ABCA13: variants seen among roughly 807,000 people sequenced by gnomAD.
ABCA13 encodes the protein ATP binding cassette subfamily A member 13.
ABCA13 carries 476 observed loss-of-function variants against 478.7 expected under a neutral mutation model. That is an observed-to-expected ratio of 0.99 (90% CI 0.92 to 1.07). The LOEUF is 1.07. ABCA13 is among the 50% of genes least tolerant of loss of function. The pLI is 0.00. For synonymous variants in ABCA13, 2,252 were observed against 2,158.9 expected (o/e 1.04, Z -1.20); for missense variants, 6,060 against 5,910.6 (o/e 1.03, Z -0.83).
At chr7:48,638,012 G>A (rs562671733) in intron 59 of ABCA13, among the ~76,000 whole-genome samples, 3 of 152,246 alleles carry the variant, frequency 2.0e-5, no homozygotes, top group East Asian at 1.9e-4. Context: ...CATGTACACA[G>A]GAAGGGCTTT....
At chr7:48,223,041 G>A (rs1214210688) in intron 5 of ABCA13, among the ~76,000 whole-genome samples, 2 of 152,142 alleles carry the variant, frequency 1.3e-5, no homozygotes, top group Non-Finnish European at 2.9e-5. Context: ...GGTAAAATCA[G>A]TAGGCTCTGT....
intron 20 of ABCA13, among the ~76,000 whole-genome samples, chr7:48,290,791 G>A (rs993916795): frequency 6.6e-6 from 1 of 151,830 alleles, no homozygotes; most frequent in Non-Finnish European, 1.5e-5. Context: ...GCCCCTAAGG[G>A]GATACTCACC....
intron 8 of ABCA13, among the ~76,000 whole-genome samples, chr7:48,238,495 G>C (rs905703155): frequency 6.7e-6 from 1 of 149,460 alleles, no homozygotes; most frequent in Non-Finnish European, 1.5e-5. Context: ...TTAAGACAGA[G>C]TCTCACTCTG....
chr7:48,219,226 G>A, intron 3 of ABCA13, 128 bp from the exon 4 acceptor site: 1 of 880,128 alleles, frequency 1.1e-6, no homozygotes, highest in Non-Finnish European at 1.7e-6. Flanking sequence ...GGCTCTCAGG[G>A]TAGATGATGA....
intron 55 of ABCA13, among the ~76,000 whole-genome samples, chr7:48,554,604 T>C (rs934504027): frequency 2.6e-5 from 4 of 151,778 alleles, no homozygotes; most frequent in African/African-American, 9.7e-5. Context: ...TGGGATTACT[T>C]TCTTGATTTC....
chr7:48,480,641 C>T (rs748297815), intron 45 of ABCA13, among the ~76,000 whole-genome samples: 5 of 152,142 alleles, frequency 3.3e-5, no homozygotes, highest in Non-Finnish European at 7.4e-5. Flanking sequence ...TACTTTAGAC[C>T]CTTATGAAAG....
At chr7:48,497,563 T>G (rs1830383034) in intron 48 of ABCA13, among the ~76,000 whole-genome samples, 1 of 152,208 alleles carries the variant, frequency 6.6e-6, no homozygotes, top group South Asian at 2.1e-4. Flanking sequence ...TGTTGAGGAA[T>G]CATATGAGAG....
intron 42 of ABCA13, among the ~76,000 whole-genome samples, chr7:48,428,386 T>A (rs1320251805): frequency 6.6e-6 from 1 of 152,102 alleles, no homozygotes; most frequent in Non-Finnish European, 1.5e-5. Context: ...GAATCCAGAT[T>A]TGGTATCTAG....
chr7:48,240,950 G>A lies in ABCA13; in HGVS notation c.1146G>A (p.Gln382=). 6.2e-7 allele frequency: 1 copy of A among 1,613,696 alleles called. No individual in the cohort carries two copies. The highest frequency in any genetic ancestry group is 8.5e-7 in the Non-Finnish European group (1 of 1,179,660). ...ATAGTCTGGAGGCTCTCAGGAATCA[G>A]TTTGAAGAAGAGAGCAAGCCCTGGA... ...MGHSLEALRN[Q]FEEESKPWKV... The change falls in exon 10 of 62, where the codon CAG becomes CAA. Residue 382 remains glutamine, a synonymous_variant. Coordinates refer to ENST00000435803, the MANE Select transcript of ABCA13 (RefSeq NM_152701.5).
chr7:48,247,083 C>T (rs1401672131), intron 13 of ABCA13, among the ~76,000 whole-genome samples: 2 of 151,786 alleles, frequency 1.3e-5, no homozygotes, highest in Non-Finnish European at 2.9e-5. Flanking sequence ...AAAATGAAAA[C>T]AAAAATTAGC....
intron 55 of ABCA13, among the ~76,000 whole-genome samples, chr7:48,546,964 A>G (rs1784872028): frequency 6.6e-6 from 1 of 151,802 alleles, no homozygotes; most frequent in African/African-American, 2.4e-5. Context: ...TTTAAAATTA[A>G]ATGACAATTT....
At chr7:48,478,884 T>G (rs1161428721) in intron 45 of ABCA13, among the ~76,000 whole-genome samples, 1 of 152,026 alleles carries the variant, frequency 6.6e-6, no homozygotes, top group Non-Finnish European at 1.5e-5. Flanking sequence ...TATTGTTTTC[T>G]GAGCCCCAAC....
intron 54 of ABCA13, 96 bp downstream of exon 54, chr7:48,524,536 G>T: frequency 8.4e-7 from 1 of 1,196,532 alleles, no homozygotes; most frequent in Non-Finnish European, 1.1e-6. Flanking sequence ...TTTGAAATCA[G>T]AGCCAAAAAT....
chr7:48,290,409 C>T (rs1213175423), intron 20 of ABCA13, among the ~76,000 whole-genome samples: 1 of 152,078 alleles, frequency 6.6e-6, no homozygotes, highest in Non-Finnish European at 1.5e-5. Context: ...GCCTTTTCCA[C>T]GTGGTGGTTT....
intron 48 of ABCA13, among the ~76,000 whole-genome samples, chr7:48,493,448 A>G (rs1450515019): frequency 6.6e-6 from 1 of 152,232 alleles, no homozygotes; most frequent in African/African-American, 2.4e-5. Context: ...TTAACAGAAT[A>G]AGTGAAAACA....
chr7:48,425,784 A>G (rs1821327992), intron 41 of ABCA13, among the ~76,000 whole-genome samples: 1 of 151,672 alleles, frequency 6.6e-6, no homozygotes. Context: ...GCTGTCGCCC[A>G]GGTTGGAGTG....
intron 17 of ABCA13, among the ~76,000 whole-genome samples, chr7:48,277,529 G>T (rs1346226756): frequency 2.0e-5 from 3 of 152,110 alleles, no homozygotes; most frequent in Non-Finnish European, 4.4e-5. Context: ...GAATAGCTGG[G>T]AGAAGATGTA....
intron 43 of ABCA13, among the ~76,000 whole-genome samples, chr7:48,455,888 C>T (rs66898358): frequency 0.12 from 17,623 of 152,252 alleles, 1,241 homozygotes; most frequent in Admixed American, 0.16. Flanking sequence ...TTCTGGGTTG[C>T]AGATTCATAC....
chr7:48,508,538 T>C (rs1421589386), intron 50 of ABCA13, among the ~76,000 whole-genome samples: 1 of 152,058 alleles, frequency 6.6e-6, no homozygotes, highest in Non-Finnish European at 1.5e-5. Context: ...TGGGGGACAA[T>C]AACAGATGCT....
Sources: allele counts gnomAD v4.1 joint callset (sites outside exome capture counted in the v4.1 genomes callset), GRCh38; gene constraint gnomAD v4.1.1; transcripts MANE v1.5; gene names NCBI Gene and HGNC (gene_info 2026-07-23, HGNC 2026-07-21).